Variants in TBC1D22A observed in about 807,000 individuals in gnomAD.
The protein encoded by TBC1D22A is putative GTPase activator.
TBC1D22A carries 38 observed loss-of-function variants against 60.2 expected under a neutral mutation model. That is an observed-to-expected ratio of 0.63 (90% CI 0.49 to 0.83). The LOEUF is 0.83. Among genes scored for constraint, TBC1D22A ranks in the 40% least tolerant of loss-of-function variants. The pLI is 0.00. For synonymous variants in TBC1D22A, 302 were observed against 281.7 expected (o/e 1.07, Z -0.72); for missense variants, 628 against 701.0 (o/e 0.90, Z 1.18).
chr22:46,991,506 A>G (rs562708300), intron 9 of TBC1D22A, among the ~76,000 whole-genome samples: 5 of 152,366 alleles, frequency 3.3e-5, no homozygotes, highest in African/African-American at 1.2e-4. Flanking sequence ...GTTCAGGTGC[A>G]TGAGCCGAGC....
intron 4 of TBC1D22A, among the ~76,000 whole-genome samples, chr22:46,843,739 T>G (rs964958858): frequency 6.6e-6 from 1 of 152,060 alleles, no homozygotes; most frequent in Non-Finnish European, 1.5e-5. Context: ...TAAACTGAGA[T>G]GTATGATATC....
chr22:46,778,052 G>C (rs1473893864), intron 1 of TBC1D22A, among the ~76,000 whole-genome samples: 1 of 152,122 alleles, frequency 6.6e-6, no homozygotes, highest in African/African-American at 2.4e-5. Context: ...TCTAAATATG[G>C]AGCAGGTATA....
intron 8 of TBC1D22A, among the ~76,000 whole-genome samples, chr22:46,938,622 G>C (rs2071802481): frequency 7.2e-6 from 1 of 138,572 alleles, no homozygotes; most frequent in South Asian, 2.2e-4. Context: ...GTCTTGCTCT[G>C]TTGCCCAGGC....
chr22:47,130,897 A>G (rs1257785414), intron 12 of TBC1D22A, among the ~76,000 whole-genome samples: 1 of 152,250 alleles, frequency 6.6e-6, no homozygotes, highest in African/African-American at 2.4e-5. Context: ...TATAAAGGAA[A>G]GAGGTGTATT....
chr22:46,966,835 G>C (rs1475613841), intron 8 of TBC1D22A, among the ~76,000 whole-genome samples: 1 of 152,194 alleles, frequency 6.6e-6, no homozygotes, highest in Non-Finnish European at 1.5e-5. Flanking sequence ...CTCCTGCTTT[G>C]GGTTTTGGGG....
chr22:47,126,121 A>G (rs1438433714), intron 12 of TBC1D22A, among the ~76,000 whole-genome samples: 1 of 152,120 alleles, frequency 6.6e-6, no homozygotes, highest in Non-Finnish European at 1.5e-5. Flanking sequence ...AGCTGGGACT[A>G]CAGGCACACG....
intron 12 of TBC1D22A, among the ~76,000 whole-genome samples, chr22:47,114,240 A>AGGGTGTGGGGTGTG (rs375583744): frequency 2.1e-5 from 3 of 145,220 alleles, no homozygotes; most frequent in African/African-American, 7.5e-5. Context: ...CCACACGGCC[A>AGGGTGTGGGGTGTG]GGGTGTGGGG....
At position 46,836,716 on chromosome 22, in the gene TBC1D22A, C is replaced by G. The variant is rs149439724; in HGVS notation, c.637+39096C>G. Among the ~76,000 whole-genome samples, 639 of 152,134 alleles carry G rather than the reference C, an allele frequency of 4.2e-3. 26 individuals are homozygous for G. The highest frequency in any genetic ancestry group is 0.038 in the Admixed American group (585 of 15,288). On this transcript the variant is annotated intron_variant, in intron 4 of 12. Transcript: ENST00000337137. ...AATAGATTAAAAAAACAAGATCCAA[C>G]AATATACTGCCTATAAGTGACTCAC... is the stretch of plus-strand genomic sequence containing the variant.
chr22:47,090,098 G>T (rs151203899), intron 11 of TBC1D22A, among the ~76,000 whole-genome samples: 1 of 150,252 alleles, frequency 6.7e-6, no homozygotes, highest in Non-Finnish European at 1.5e-5. Context: ...CCAGAGGGGT[G>T]GGGGGGCGGT....
intron 8 of TBC1D22A, among the ~76,000 whole-genome samples, chr22:46,927,012 T>C (rs1042833548): frequency 6.6e-6 from 1 of 152,166 alleles, no homozygotes; most frequent in Non-Finnish European, 1.5e-5. Context: ...ACTTGTGAAT[T>C]TTATCAAAGG....
intron 4 of TBC1D22A, among the ~76,000 whole-genome samples, chr22:46,856,427 A>T (rs759718560): frequency 2.6e-5 from 4 of 152,238 alleles, no homozygotes; most frequent in Admixed American, 6.5e-5. Context: ...TAAGAGGCTG[A>T]CTGAGTCCAA....
intron 12 of TBC1D22A, among the ~76,000 whole-genome samples, chr22:47,149,629 A>G (rs367592594): frequency 1.1e-3 from 160 of 152,330 alleles, no homozygotes; most frequent in African/African-American, 3.5e-3. Flanking sequence ...GGGAGCTCAC[A>G]GAGGCCGGAA....
At chr22:46,823,631 T>C (rs1173417479) in intron 4 of TBC1D22A, among the ~76,000 whole-genome samples, 1 of 152,216 alleles carries the variant, frequency 6.6e-6, no homozygotes, top group Admixed American at 6.5e-5. Context: ...AATGAATTCA[T>C]GGAAGGCAGG....
intron 8 of TBC1D22A, among the ~76,000 whole-genome samples, chr22:46,969,831 T>C (rs992493091): frequency 2.0e-5 from 3 of 152,202 alleles, no homozygotes; most frequent in Admixed American, 2.0e-4. Flanking sequence ...AAGGGCCAAA[T>C]GCAGTCCCAG....
chr22:46,817,260 C>CT (rs139583), intron 4 of TBC1D22A, among the ~76,000 whole-genome samples: 61,025 of 148,236 alleles, frequency 0.41, 12,525 homozygotes, highest in African/African-American at 0.48. Flanking sequence ...CTAGGTTGTC[C>CT]TTTTTTTTTT....
chr22:47,062,073 G>C (rs1603214180), intron 11 of TBC1D22A, among the ~76,000 whole-genome samples: 1 of 107,896 alleles, frequency 9.3e-6, no homozygotes. Context: ...GGGCGACAGA[G>C]CAAGACTCCA....
At chr22:46,791,082 A>AC (rs1375662333) in intron 1 of TBC1D22A, among the ~76,000 whole-genome samples, 2 of 151,980 alleles carry the variant, frequency 1.3e-5, no homozygotes, top group African/African-American at 4.8e-5. Flanking sequence ...ACAGGGTCTC[A>AC]CTGTGTAACC....
chr22:47,001,306 T>C (rs1488182765), intron 10 of TBC1D22A, among the ~76,000 whole-genome samples: 34 of 149,972 alleles, frequency 2.3e-4, no homozygotes, highest in Admixed American at 6.6e-4. Flanking sequence ...TTTCTTTTTT[T>C]TTTTTTTTTT....
chr22:47,043,811 G>T (rs1357811790), intron 11 of TBC1D22A, among the ~76,000 whole-genome samples: 1 of 152,196 alleles, frequency 6.6e-6, no homozygotes, highest in Non-Finnish European at 1.5e-5. Flanking sequence ...TGTGCTCTAT[G>T]TGAGGTGCAG....
Sources: gnomAD v4.1 joint callset for allele counts (sites outside exome capture counted in the v4.1 genomes callset) on GRCh38, gnomAD v4.1.1 for gene constraint, MANE v1.5 for transcripts, NCBI Gene and HGNC (gene_info 2026-07-23, HGNC 2026-07-21) for gene names.